The following BNC2 variants were observed in gnomAD, a reference collection of about 807,000 sequenced individuals.
BNC2 encodes the protein basonuclin zinc finger protein 2.
In BNC2, 20 loss-of-function variants were observed where a neutral mutation model predicts 76.3. The ratio of observed to expected loss-of-function variants is 0.26; its 90% CI spans 0.18 to 0.38. The LOEUF (loss-of-function observed/expected upper bound fraction) is 0.38. Ranked by LOEUF, BNC2 falls within the 10% of genes least tolerant of loss-of-function variation. BNC2 has a pLI of 1.00. For synonymous variants in BNC2, 582 were observed against 514.8 expected (o/e 1.13, Z -1.77); for missense variants, 1,382 against 1,399.8 (o/e 0.99, Z 0.20).
rs1012420248 is a variant in BNC2 at position 16,597,455 on chromosome 9, C to A, written c.331-14370G>T. ...TTTACTAATGGGGAGAGTACAAACC[C>A]TGCAGGAATTTGCTCTGCAAACTGG... On this transcript the variant is annotated intron_variant, in intron 3 of 6. Coordinates refer to ENST00000380672, the MANE Select transcript of BNC2 (RefSeq NM_017637.6). 4.6e-5 allele frequency among the ~76,000 whole-genome samples: 7 copies of A among 152,174 alleles called. No individual in the cohort carries two copies. The East Asian group carries it at 1.4e-3, about 29-fold the overall frequency.
At chr9:16,630,393 T>C (rs572899482) in intron 3 of BNC2, among the ~76,000 whole-genome samples, 1 of 152,154 alleles carries the variant, frequency 6.6e-6, no homozygotes, top group South Asian at 2.1e-4. Flanking sequence ...CAGTTATTAA[T>C]AACATGGAAA....
intron 4 of BNC2, among the ~76,000 whole-genome samples, chr9:16,553,518 C>A (rs1818728662): frequency 6.6e-6 from 1 of 152,140 alleles, no homozygotes; most frequent in African/African-American, 2.4e-5. Context: ...TAACAAGTCA[C>A]TTTGTTAATA....
intron 3 of BNC2, among the ~76,000 whole-genome samples, chr9:16,656,856 A>G (rs1348169034): frequency 6.6e-6 from 1 of 152,208 alleles, no homozygotes; most frequent in East Asian, 1.9e-4. Flanking sequence ...TTACAAGATT[A>G]GAGGCACTGG....
At chr9:16,590,564 C>T (rs558844252) in intron 3 of BNC2, among the ~76,000 whole-genome samples, 2 of 151,634 alleles carry the variant, frequency 1.3e-5, no homozygotes, top group African/African-American at 2.4e-5. Context: ...CCTGTAATCT[C>T]AGCAATTTGG....
intron 5 of BNC2, among the ~76,000 whole-genome samples, chr9:16,497,801 T>C (rs1255281917): frequency 6.6e-6 from 1 of 151,958 alleles, no homozygotes; most frequent in Non-Finnish European, 1.5e-5. Flanking sequence ...GAAAGAACAA[T>C]TATACAGAAA....
intron 3 of BNC2, among the ~76,000 whole-genome samples, chr9:16,605,073 C>G (rs778859135): frequency 3.9e-5 from 6 of 151,936 alleles, no homozygotes; most frequent in Non-Finnish European, 7.4e-5. Flanking sequence ...CTCATACACG[C>G]CAAAGAATAA....
chr9:16,456,719 G>C (rs577877072), intron 5 of BNC2, among the ~76,000 whole-genome samples: 1 of 152,072 alleles, frequency 6.6e-6, no homozygotes, highest in African/African-American at 2.4e-5. Context: ...AAGAGTCCTT[G>C]AAAATGGAGA....
At chr9:16,441,075 C>T (rs1014019713) in intron 5 of BNC2, among the ~76,000 whole-genome samples, 6 of 152,208 alleles carry the variant, frequency 3.9e-5, no homozygotes, top group Admixed American at 2.6e-4. Context: ...CCTATAATCC[C>T]GACATTTAGG....
intron 3 of BNC2, among the ~76,000 whole-genome samples, chr9:16,643,275 C>T (rs536001855): frequency 4.0e-4 from 59 of 148,310 alleles, no homozygotes; most frequent in African/African-American, 1.3e-3. Flanking sequence ...CAATGCACTC[C>T]AGCCTGGGTG....
intron 3 of BNC2, among the ~76,000 whole-genome samples, chr9:16,632,695 A>G (rs1348250740): frequency 6.6e-6 from 1 of 152,236 alleles, no homozygotes; most frequent in Non-Finnish European, 1.5e-5. Context: ...TACACTGAGT[A>G]CAGACTGCCA....
chr9:16,631,811 C>A (rs1057442095), intron 3 of BNC2, among the ~76,000 whole-genome samples: 1 of 152,064 alleles, frequency 6.6e-6, no homozygotes, highest in East Asian at 1.9e-4. Context: ...GAAGAAGGCA[C>A]CAACTCAGGT....
At chr9:16,509,295 T>C (rs1822700699) in intron 5 of BNC2, among the ~76,000 whole-genome samples, 2 of 152,206 alleles carry the variant, frequency 1.3e-5, no homozygotes, top group Admixed American at 6.5e-5. Flanking sequence ...TTCTAACATA[T>C]ACATTTCTAC....
intron 3 of BNC2, among the ~76,000 whole-genome samples, chr9:16,651,778 A>G (rs1316201888): frequency 6.6e-6 from 1 of 152,232 alleles, no homozygotes; most frequent in East Asian, 1.9e-4. Flanking sequence ...CAAACATGAT[A>G]CTAACAAGGC....
rs201719018 is a variant in BNC2 at position 16,419,348 on chromosome 9, C to G, written c.2941G>C (p.Asp981His). The change falls in exon 7 of 7, where the codon GAC becomes CAC. Residue 981 changes from aspartate (D) to histidine (H), a missense_variant. Asp to His is a moderately conservative substitution (Grantham distance 81). Transcript: ENST00000380672. ...SSSIHSSRESDAGSDEGILLD... is the reference protein window; with the variant it reads ...SSSIHSSRESHAGSDEGILLD... ...AGAATCCCCTCATCGCTGCCTGCGT[C>G]GGATTCTCTGGAGGAATGGATACTG... 5 of 1,610,792 alleles carry G rather than the reference C, an allele frequency of 3.1e-6. No homozygotes were observed. The highest frequency in any genetic ancestry group is 4.2e-6 in the Non-Finnish European group (5 of 1,177,818).
At chr9:16,494,307 C>T (rs989177304) in intron 5 of BNC2, among the ~76,000 whole-genome samples, 3 of 152,050 alleles carry the variant, frequency 2.0e-5, no homozygotes, top group African/African-American at 7.2e-5. Flanking sequence ...CCTGTGCCAC[C>T]ATGCCCAGCT....
intron 3 of BNC2, among the ~76,000 whole-genome samples, chr9:16,700,207 A>G (rs2134556729): frequency 6.6e-6 from 1 of 152,334 alleles, no homozygotes; most frequent in East Asian, 1.9e-4. Context: ...CCATAGTAAA[A>G]TTACTTCATT....
intron 3 of BNC2, among the ~76,000 whole-genome samples, chr9:16,701,421 G>A (rs1184253155): frequency 6.6e-6 from 1 of 152,154 alleles, no homozygotes; most frequent in African/African-American, 2.4e-5. Flanking sequence ...TTCCATGAAT[G>A]CTTTTGTAAG....
At chr9:16,868,444 C>G (rs1021011615) in intron 1 of BNC2, among the ~76,000 whole-genome samples, 3 of 152,130 alleles carry the variant, frequency 2.0e-5, no homozygotes, top group Non-Finnish European at 4.4e-5. Context: ...AAGAAAAAAT[C>G]AGGTAGTAGG....
intron 5 of BNC2, among the ~76,000 whole-genome samples, chr9:16,439,522 G>T (rs774995349): frequency 2.0e-5 from 3 of 152,020 alleles, no homozygotes; most frequent in Admixed American, 2.0e-4. Flanking sequence ...TGAATTTTCC[G>T]GTTTCAGCCA....
Sources: allele counts gnomAD v4.1 joint callset (sites outside exome capture counted in the v4.1 genomes callset), GRCh38; gene constraint gnomAD v4.1.1; transcripts MANE v1.5; gene names NCBI Gene and HGNC (gene_info 2026-07-23, HGNC 2026-07-21).